Variants in FRAS1 observed in about 807,000 individuals in gnomAD.
FRAS1 encodes the protein Fraser extracellular matrix complex subunit 1.
Under a neutral mutation model 435.2 loss-of-function variants are expected in FRAS1, and 290 were observed. That is an observed-to-expected ratio of 0.67 (90% CI 0.61 to 0.73). The LOEUF is 0.73. Among genes scored for constraint, FRAS1 ranks in the 30% least tolerant of loss-of-function variants. FRAS1 has a pLI of 0.00. For missense variants in FRAS1, 4,860 were observed against 5,001.5 expected, an observed-to-expected ratio of 0.97 and a Z score of 0.85; for synonymous variants, 1,800 against 1,851.0, an observed-to-expected ratio of 0.97 and a Z score of 0.71.
intron 2 of FRAS1, among the ~76,000 whole-genome samples, chr4:78,197,083 C>T (rs1408709772): frequency 6.6e-6 from 1 of 152,124 alleles, no homozygotes; most frequent in Non-Finnish European, 1.5e-5. Context: ...TGTAAAAATT[C>T]CTTTCATCCT....
At chr4:78,273,555 G>A (rs541804858) in intron 9 of FRAS1, among the ~76,000 whole-genome samples, 1 of 152,300 alleles carries the variant, frequency 6.6e-6, no homozygotes, top group African/African-American at 2.4e-5. Context: ...GGCGTTTTCT[G>A]CATCTATTGA....
intron 2 of FRAS1, among the ~76,000 whole-genome samples, chr4:78,198,021 ATCTCC>A (rs1479760036): frequency 1.3e-5 from 2 of 151,718 alleles, no homozygotes. Flanking sequence ...TTTCCTTCAT[ATCTCC>A]TCCACCCACC....
chr4:78,221,222 A>G (rs147644675), intron 2 of FRAS1, among the ~76,000 whole-genome samples: 74 of 152,338 alleles, frequency 4.9e-4, no homozygotes, highest in African/African-American at 1.7e-3. Flanking sequence ...AAATGGTAAT[A>G]TAGAATTTAT....
At chr4:78,308,937 C>T (rs556653335) in intron 15 of FRAS1, among the ~76,000 whole-genome samples, 1 of 152,280 alleles carries the variant, frequency 6.6e-6, no homozygotes, top group East Asian at 1.9e-4. Flanking sequence ...CATGTGTTCC[C>T]TTGAATGGCA....
chr4:78,246,797 A>C (rs1427510640), intron 4 of FRAS1, among the ~76,000 whole-genome samples: 1 of 152,138 alleles, frequency 6.6e-6, no homozygotes, highest in Admixed American at 6.5e-5. Context: ...GGGACATGGG[A>C]GATCAGAATT....
intron 6 of FRAS1, among the ~76,000 whole-genome samples, chr4:78,257,425 T>C (rs1233315840): frequency 6.6e-6 from 1 of 152,152 alleles, no homozygotes; most frequent in East Asian, 1.9e-4. Context: ...GTTATATACA[T>C]TACATCATTA....
intron 7 of FRAS1, among the ~76,000 whole-genome samples, chr4:78,265,395 T>C (rs1726300615): frequency 6.6e-6 from 1 of 152,252 alleles, no homozygotes; most frequent in Non-Finnish European, 1.5e-5. Flanking sequence ...AGGGCTATTA[T>C]TGATTACCAT....
At chr4:78,383,482 C>T (rs57477676) in intron 27 of FRAS1, among the ~76,000 whole-genome samples, 1,549 of 152,262 alleles carry the variant, frequency 0.01, 24 homozygotes, top group African/African-American at 0.036. Context: ...TGCTGGCTCT[C>T]GGGCCAGTTG....
At chr4:78,274,576 T>A (rs1478054160) in intron 9 of FRAS1, among the ~76,000 whole-genome samples, 12 of 152,182 alleles carry the variant, frequency 7.9e-5, no homozygotes, top group East Asian at 3.8e-4. Flanking sequence ...TTATGTACCC[T>A]GTAGTCATTC....
intron 2 of FRAS1, among the ~76,000 whole-genome samples, chr4:78,079,881 A>G (rs1740818060): frequency 6.6e-6 from 1 of 152,142 alleles, no homozygotes; most frequent in Admixed American, 6.6e-5. Flanking sequence ...TCTAAAAGTG[A>G]AAGCACGCTG....
At chr4:78,131,912 G>C (rs1349987531) in intron 2 of FRAS1, among the ~76,000 whole-genome samples, 1 of 152,208 alleles carries the variant, frequency 6.6e-6, no homozygotes, top group East Asian at 1.9e-4. Flanking sequence ...GCGTCTGCAT[G>C]GATTTAAGTA....
chr4:78,471,385 C>CATG (rs1719704170), intron 51 of FRAS1, among the ~76,000 whole-genome samples: 1 of 152,024 alleles, frequency 6.6e-6, no homozygotes. Flanking sequence ...AACAAACAAA[C>CATG]ATGAATTAAA....
chr4:78,103,685 G>T (rs898649044), intron 2 of FRAS1, among the ~76,000 whole-genome samples: 3 of 152,126 alleles, frequency 2.0e-5, no homozygotes, highest in Non-Finnish European at 2.9e-5. Flanking sequence ...AGAGCTCAGA[G>T]ACCCAGCCAA....
chr4:78,146,543 T>A (rs1239791226), intron 2 of FRAS1, among the ~76,000 whole-genome samples: 1 of 152,176 alleles, frequency 6.6e-6, no homozygotes, highest in Admixed American at 6.6e-5. Context: ...AATAGTACAG[T>A]GAACTCCAGT....
chr4:78,249,771 T>A (rs1419567070), intron 4 of FRAS1, among the ~76,000 whole-genome samples: 1 of 152,168 alleles, frequency 6.6e-6, no homozygotes, highest in African/African-American at 2.4e-5. Context: ...CCCTCTTATT[T>A]TACAGATGAA....
chr4:78,434,580 A>T (rs576187541), intron 38 of FRAS1, among the ~76,000 whole-genome samples: 3 of 152,330 alleles, frequency 2.0e-5, no homozygotes, highest in Admixed American at 1.3e-4. Context: ...CCTATGAGTA[A>T]ATGTAACAAA....
At chr4:78,392,372 C>T (rs1578294508) in intron 29 of FRAS1, among the ~76,000 whole-genome samples, 1 of 152,164 alleles carries the variant, frequency 6.6e-6, no homozygotes. Context: ...AGGTTTAAAA[C>T]TTTTATCTTG....
intron 3 of FRAS1, 107 bp from the exon 4 acceptor site, chr4:78,245,126 G>A (rs1247441510): frequency 1.3e-6 from 1 of 786,660 alleles, no homozygotes; most frequent in Non-Finnish European, 2.2e-6. Flanking sequence ...TGTCACCTCA[G>A]AAACGCATGA....
rs1721190364 is a variant in FRAS1 at position 78,515,803 on chromosome 4, AGGGT to A, written c.10180_10183del (p.Gly3394SerfsTer38). On this transcript the variant is annotated frameshift_variant, in exon 66 of 74. Transcript: ENST00000512123. LOFTEE classifies it high-confidence loss of function. Reference sequence around the variant, plus strand: ...TTGTTCTTCCCTCCCTGGCAGAGGCAGGGTTCCTGGATGATGTGGTCTATGATAG... The same window carrying A: ...TTGTTCTTCCCTCCCTGGCAGAGGCATCCTGGATGATGTGGTCTATGATAG... The A allele has an allele frequency of 1.2e-6, 2 of 1,613,484 alleles. No homozygotes were observed. Among genetic ancestry groups the A allele is most frequent in the Middle Eastern group, 1.7e-4 (1 of 5,998 alleles).
Sources: allele counts gnomAD v4.1 joint callset (sites outside exome capture counted in the v4.1 genomes callset), GRCh38; gene constraint gnomAD v4.1.1; transcripts MANE v1.5; gene names NCBI Gene and HGNC (gene_info 2026-07-23, HGNC 2026-07-21).